VDAC3: variants seen among roughly 807,000 people sequenced by gnomAD.
VDAC3 encodes voltage dependent anion channel 3.
A neutral mutation model predicts 33.9 loss-of-function variants in VDAC3; 7 were observed. That is an observed-to-expected ratio of 0.21 (90% CI 0.12 to 0.39). The LOEUF is 0.39. Among genes scored for constraint, VDAC3 ranks in the 10% least tolerant of loss-of-function variants. The pLI is 1.00. For synonymous variants in VDAC3, 100 were observed against 122.4 expected (o/e 0.82, Z 1.21); for missense variants, 261 against 334.5 (o/e 0.78, Z 1.71).
chr8:42,402,064 A>T (rs759840851), intron 7 of VDAC3, 49 bp downstream of exon 7: 9 of 1,553,156 alleles, frequency 5.8e-6, no homozygotes, highest in Non-Finnish European at 8.8e-7. Context: ...TGCCCAAAAT[A>T]TTGTAGCCAT....
chr8:42,404,236 G>A (rs1802464346), intron 8 of VDAC3, among the ~76,000 whole-genome samples: 2 of 152,172 alleles, frequency 1.3e-5, no homozygotes, highest in Admixed American at 6.5e-5. Context: ...ATAGTAACTG[G>A]CAGTGCCACA....
intron 1 of VDAC3, among the ~76,000 whole-genome samples, chr8:42,392,888 C>T (rs1262475780): frequency 6.6e-6 from 1 of 152,156 alleles, no homozygotes; most frequent in African/African-American, 2.4e-5. Flanking sequence ...CAGTTGTAAT[C>T]ATAAAGAGTA....
chr8:42,402,043 A>G (rs769249094), intron 7 of VDAC3, 28 bp downstream of exon 7: 6 of 1,606,356 alleles, frequency 3.7e-6, no homozygotes, highest in East Asian at 4.5e-5. Context: ...ATTCCTTAGT[A>G]TCAGTGCAGT....
chr8:42,394,276 A>G lies in VDAC3; in HGVS notation c.65A>G (p.Tyr22Cys). The change falls in exon 3 of 10, where the codon TAT becomes TGT. Residue 22 changes from tyrosine to cysteine, a missense_variant and splice_region_variant. Coordinates refer to ENST00000022615, the MANE Select transcript of VDAC3 (RefSeq NM_005662.7). ...GCTAAGGATGTCTTCAACAAAGGAT[A>G]TGGTAAGTATGCTATTGTAACTTTC... ...KAAKDVFNKG[Y>C]GFGMVKIDLK... 1 of 1,613,064 alleles carries G rather than the reference A, an allele frequency of 6.2e-7. No individual in the cohort carries two copies. The highest frequency in any genetic ancestry group is 1.7e-5 in the Admixed American group (1 of 59,934).
intron 1 of VDAC3, among the ~76,000 whole-genome samples, chr8:42,393,437 C>T (rs1029124327): frequency 2.0e-5 from 3 of 152,152 alleles, no homozygotes; most frequent in Admixed American, 2.0e-4. Flanking sequence ...AAAGATTTCC[C>T]ATGATACAAA....
At chr8:42,403,939 C>T (rs897391574) in intron 8 of VDAC3, among the ~76,000 whole-genome samples, 1 of 151,580 alleles carries the variant, frequency 6.6e-6, no homozygotes, top group African/African-American at 2.4e-5. Context: ...CTAGTCCTAG[C>T]TCTTCCTGTA....
chr8:42,396,927 G>A, intron 4 of VDAC3: 1 of 437,092 alleles, frequency 2.3e-6, no homozygotes, highest in Non-Finnish European at 4.0e-6. Context: ...ACCAAATTAT[G>A]AAATTAGACA....
chr8:42,395,958 TAAAAA>T (rs543863402), intron 4 of VDAC3, among the ~76,000 whole-genome samples: 5 of 119,946 alleles, frequency 4.2e-5, no homozygotes, highest in African/African-American at 1.5e-4. Context: ...GACTTTGTCT[TAAAAA>T]AAAAAAAAAA....
intron 4 of VDAC3, among the ~76,000 whole-genome samples, chr8:42,395,422 G>A (rs1802292796): frequency 6.6e-6 from 1 of 152,056 alleles, no homozygotes; most frequent in Non-Finnish European, 1.5e-5. Flanking sequence ...TATGTATATG[G>A]GCACCAAAAA....
At position 42,395,070 on chromosome 8, in the gene VDAC3, G is replaced by A; in HGVS notation, c.68-14G>A. Reference sequence around the variant, plus strand: ...TTTGTACATTACTGTGTTTTTGTGTGTGTGTGTGTATAGGCTTTGGCATGG... The same window carrying A: ...TTTGTACATTACTGTGTTTTTGTGTATGTGTGTGTATAGGCTTTGGCATGG... On this transcript the variant is annotated splice_polypyrimidine_tract_variant and intron_variant, in intron 3 of 9. Transcript: ENST00000022615. 6.2e-7 allele frequency: 1 copy of A among 1,613,882 alleles called. No individual in the cohort carries two copies. The highest frequency in any genetic ancestry group is 1.1e-5 in the South Asian group (1 of 91,080).
chr8:42,403,750 C>T (rs1454044634), intron 8 of VDAC3, among the ~76,000 whole-genome samples: 4 of 152,066 alleles, frequency 2.6e-5, no homozygotes, highest in African/African-American at 9.7e-5. Flanking sequence ...GTAGGTGACG[C>T]CTGTAGTCCC....
chr8:42,403,297 A>G lies in VDAC3; in HGVS notation c.552-14A>G. On this transcript the variant is annotated splice_polypyrimidine_tract_variant and intron_variant, in intron 7 of 9. Transcript: ENST00000022615. ...AACTAGATATTTATGACGTTTTCTT[A>G]TCTATGAAAACAGGAACGATGGCAC... is the stretch of plus-strand genomic sequence containing the variant. 6.2e-7 allele frequency: 1 copy of G among 1,613,612 alleles called. No individual in the cohort carries two copies. The highest frequency in any genetic ancestry group is 8.5e-7 in the Non-Finnish European group (1 of 1,179,896).
At chr8:42,403,751 C>T (rs1387990959) in intron 8 of VDAC3, among the ~76,000 whole-genome samples, 1 of 152,054 alleles carries the variant, frequency 6.6e-6, no homozygotes. Flanking sequence ...TAGGTGACGC[C>T]TGTAGTCCCA....
chr8:42,404,834 GT>G, intron 8 of VDAC3, 32 bp from the exon 9 acceptor site: 1 of 1,588,638 alleles, frequency 6.3e-7, no homozygotes, highest in African/African-American at 1.3e-5. Context: ...GTAATTCACT[GT>G]TTTCTGTTAT....
chr8:42,394,561 T>C (rs1031747188), intron 3 of VDAC3, among the ~76,000 whole-genome samples: 3 of 152,194 alleles, frequency 2.0e-5, no homozygotes, highest in African/African-American at 7.2e-5. Flanking sequence ...TCTCTTTGTC[T>C]GGCCCTGAGG....
intron 7 of VDAC3, chr8:42,403,091 G>A (rs1324691343): frequency 1.8e-6 from 1 of 545,054 alleles, no homozygotes; most frequent in Non-Finnish European, 3.2e-6. Context: ...GAGGAGCCAA[G>A]TAAATGGATC....
chr8:42,399,802 G>A, intron 6 of VDAC3, 99 bp downstream of exon 6: 2 of 1,107,684 alleles, frequency 1.8e-6, no homozygotes, highest in Non-Finnish European at 2.7e-6. Context: ...GAGGCAGGAA[G>A]AACTCAGAAG....
At chr8:42,395,927 C>T (rs1034505451) in intron 4 of VDAC3, among the ~76,000 whole-genome samples, 6 of 146,090 alleles carry the variant, frequency 4.1e-5, no homozygotes, top group Admixed American at 1.4e-4. Context: ...CCATTGCACT[C>T]CAGCCTGGGT....
intron 1 of VDAC3, among the ~76,000 whole-genome samples, chr8:42,393,506 G>T (rs1361258605): frequency 6.6e-6 from 1 of 152,136 alleles, no homozygotes; most frequent in Non-Finnish European, 1.5e-5. Flanking sequence ...TGATATGAGG[G>T]TCATATTACC....
Sources: gnomAD v4.1 joint callset for allele counts (sites outside exome capture counted in the v4.1 genomes callset) on GRCh38, gnomAD v4.1.1 for gene constraint, MANE v1.5 for transcripts, NCBI Gene and HGNC (gene_info 2026-07-23, HGNC 2026-07-21) for gene names.